SLC7A1: variants seen among roughly 807,000 people sequenced by gnomAD.
SLC7A1 encodes high affinity cationic amino acid transporter 1.
Under a neutral mutation model 53.9 loss-of-function variants are expected in SLC7A1, and 10 were observed. The ratio of observed to expected loss-of-function variants is 0.19; its 90% CI spans 0.11 to 0.31. The LOEUF (loss-of-function observed/expected upper bound fraction) is 0.31, where lower values mean the gene tolerates loss of function less well. SLC7A1 is among the 10% of genes least tolerant of loss of function. SLC7A1 has a pLI of 1.00. For missense variants in SLC7A1, 525 were observed against 827.2 expected (o/e 0.63, Z 4.48); for synonymous variants, 342 against 338.7 (o/e 1.01, Z -0.11).
At chr13:29,521,174 T>C (rs1038221146) in intron 8 of SLC7A1, among the ~76,000 whole-genome samples, 3 of 152,226 alleles carry the variant, frequency 2.0e-5, no homozygotes, top group Non-Finnish European at 2.9e-5. Context: ...CTCAAGAGCA[T>C]AGAATCACAT....
At chr13:29,581,810 G>GCAAC (rs1379925761) in intron 1 of SLC7A1, among the ~76,000 whole-genome samples, 1 of 152,196 alleles carries the variant, frequency 6.6e-6, no homozygotes, top group Non-Finnish European at 1.5e-5. Context: ...CGAACAAGTA[G>GCAAC]CAACCTCTCC....
chr13:29,585,222 T>C (rs541411034), intron 1 of SLC7A1, among the ~76,000 whole-genome samples: 8 of 152,292 alleles, frequency 5.3e-5, no homozygotes, highest in African/African-American at 1.2e-4. Context: ...ACCTTGACTC[T>C]TCAACTTTCT....
chr13:29,577,813 C>T (rs990711226), intron 1 of SLC7A1, among the ~76,000 whole-genome samples: 4 of 152,122 alleles, frequency 2.6e-5, no homozygotes, highest in Non-Finnish European at 4.4e-5. Context: ...GCTGGCATGC[C>T]CCATGACAGC....
chr13:29,557,230 T>A (rs1870476936), intron 1 of SLC7A1, among the ~76,000 whole-genome samples: 1 of 152,234 alleles, frequency 6.6e-6, no homozygotes, highest in Non-Finnish European at 1.5e-5. Flanking sequence ...CTACTCTTGA[T>A]GGGCTTCCAG....
At chr13:29,537,357 G>A (rs1206537679) in intron 2 of SLC7A1, among the ~76,000 whole-genome samples, 2 of 152,180 alleles carry the variant, frequency 1.3e-5, no homozygotes, top group African/African-American at 2.4e-5. Flanking sequence ...GAAAACCACC[G>A]GACACATCCT....
At chr13:29,535,618 T>A (rs767775071) in intron 3 of SLC7A1, among the ~76,000 whole-genome samples, 6 of 152,250 alleles carry the variant, frequency 3.9e-5, no homozygotes, top group African/African-American at 7.2e-5. Context: ...TTTTTCTCTA[T>A]CAGTGATGCA....
At chr13:29,579,298 A>C (rs1871542790) in intron 1 of SLC7A1, among the ~76,000 whole-genome samples, 1 of 151,860 alleles carries the variant, frequency 6.6e-6, no homozygotes, top group Admixed American at 6.6e-5. Flanking sequence ...ACAGGACACC[A>C]CGGCCAGGGA....
At chr13:29,563,959 C>T (rs1870866824) in intron 1 of SLC7A1, among the ~76,000 whole-genome samples, 2 of 152,132 alleles carry the variant, frequency 1.3e-5, no homozygotes, top group Non-Finnish European at 2.9e-5. Context: ...TGATGCTCTG[C>T]CGGCCAATGA....
At chr13:29,564,915 A>G (rs1593572288) in intron 1 of SLC7A1, among the ~76,000 whole-genome samples, 1 of 152,318 alleles carries the variant, frequency 6.6e-6, no homozygotes, top group Admixed American at 6.5e-5. Flanking sequence ...CTTTCCCTCC[A>G]TTACATTCTG....
intron 4 of SLC7A1, among the ~76,000 whole-genome samples, chr13:29,532,516 C>T (rs944430877): frequency 4.6e-5 from 7 of 152,188 alleles, no homozygotes; most frequent in Non-Finnish European, 8.8e-5. Flanking sequence ...TCCCAGGACA[C>T]TCACACAAAA....
chr13:29,579,897 A>G (rs1196249584), intron 1 of SLC7A1, among the ~76,000 whole-genome samples: 1 of 152,136 alleles, frequency 6.6e-6, no homozygotes, highest in Non-Finnish European at 1.5e-5. Flanking sequence ...GCAAAGTAAC[A>G]CTTCTCTACT....
At chr13:29,533,845 T>C (rs189560881) in intron 3 of SLC7A1, among the ~76,000 whole-genome samples, 52 of 152,314 alleles carry the variant, frequency 3.4e-4, no homozygotes, top group Non-Finnish European at 2.9e-5. Context: ...AATTCCAGCA[T>C]TTTCATAGAG....
chr13:29,531,436 A>G (rs914644135), intron 4 of SLC7A1, among the ~76,000 whole-genome samples: 2 of 152,142 alleles, frequency 1.3e-5, no homozygotes, highest in Non-Finnish European at 2.9e-5. Context: ...GTACTTCCAT[A>G]GCTGAACTCT....
intron 1 of SLC7A1, among the ~76,000 whole-genome samples, chr13:29,585,269 T>C (rs1303271347): frequency 3.3e-5 from 5 of 152,170 alleles, no homozygotes; most frequent in Non-Finnish European, 7.3e-5. Flanking sequence ...TTGACTCCCA[T>C]CCCCTAGTGC....
At chr13:29,527,197 C>T (rs776797079) in intron 5 of SLC7A1, among the ~76,000 whole-genome samples, 2 of 152,088 alleles carry the variant, frequency 1.3e-5, no homozygotes, top group Non-Finnish European at 2.9e-5. Flanking sequence ...TTTACATTTG[C>T]TTGTGCTTAC....
intron 3 of SLC7A1, among the ~76,000 whole-genome samples, chr13:29,535,480 C>A (rs1473326409): frequency 3.3e-5 from 5 of 152,158 alleles, no homozygotes; most frequent in Admixed American, 6.5e-5. Context: ...GCACAATGCC[C>A]AGCCCAGAGC....
intron 5 of SLC7A1, among the ~76,000 whole-genome samples, chr13:29,527,331 G>A (rs534463904): frequency 1.3e-5 from 2 of 152,262 alleles, no homozygotes; most frequent in African/African-American, 2.4e-5. Flanking sequence ...TATGAACCAC[G>A]TAGTATTTTA....
chr13:29,532,753 C>G, intron 4 of SLC7A1, 71 bp downstream of exon 4: 2 of 1,383,298 alleles, frequency 1.4e-6, no homozygotes. Context: ...AAGAAAGGAA[C>G]TTAACAGGAG....
intron 4 of SLC7A1, among the ~76,000 whole-genome samples, chr13:29,531,257 T>C (rs1324228541): frequency 6.6e-6 from 1 of 152,158 alleles, no homozygotes; most frequent in Non-Finnish European, 1.5e-5. Flanking sequence ...GGTTCTTCGT[T>C]GGACTCAGTG....
Sources: allele counts gnomAD v4.1 joint callset (sites outside exome capture counted in the v4.1 genomes callset), GRCh38; gene constraint gnomAD v4.1.1; transcripts MANE v1.5; gene names NCBI Gene and HGNC (gene_info 2026-07-23, HGNC 2026-07-21).